The following NTMT1 variants were observed in gnomAD, a reference collection of about 807,000 sequenced individuals.
NTMT1 encodes N-terminal RCC1 methyltransferase.
Under a neutral mutation model 17.5 loss-of-function variants are expected in NTMT1, and 8 were observed. That is an observed-to-expected ratio of 0.46 (90% CI 0.27 to 0.82). NTMT1 has a LOEUF of 0.82. Among genes scored for constraint, NTMT1 ranks in the 40% least tolerant of loss-of-function variants. The pLI is 0.15. For synonymous variants in NTMT1, 128 were observed against 126.8 expected (o/e 1.01, Z -0.06); for missense variants, 221 against 303.5 (o/e 0.73, Z 2.02).
rs374550377 is a variant in NTMT1 at position 129,619,661 on chromosome 9, G to A, written c.-55+10483G>A. 2.8e-5 allele frequency: 45 copies of A among 1,612,814 alleles called. No individual in the cohort carries two copies. The African/African-American group carries it at 5.2e-4, about 19-fold the overall frequency. ...CCTTAAAGACAAACAGGCCACATCT[G>A]GCATGAGTGGCCAGGCTGTCCCGCC... On this transcript the variant is annotated intron_variant, in intron 1 of 3. Coordinates refer to the NTMT1 transcript ENST00000372486.
chr9:129,609,935 A>G (rs1830072880), intron 1 of NTMT1, among the ~76,000 whole-genome samples: 1 of 148,478 alleles, frequency 6.7e-6, no homozygotes, highest in South Asian at 2.1e-4. Flanking sequence ...GAGTCCGGGT[A>G]TGTGTGTGGT....
chr9:129,613,207 A>C lies in NTMT1; in HGVS notation c.-55+4029A>C. On this transcript the variant is annotated intron_variant, in intron 1 of 3. Transcript: ENST00000372486. The surrounding 1 kb of genome is among the most constrained non-coding windows in gnomAD (Gnocchi z 6.2). ...TGAACAGAAGGGCAGGCTGCTGTTC[A>C]TGGAGGTGTCCTCAGAAAGGTAGCC... The C allele has an allele frequency of 2.5e-6, 4 of 1,613,406 alleles. No individual in the cohort carries two copies. Among genetic ancestry groups the C allele is most frequent in the Admixed American group, 1.7e-5 (1 of 60,006 alleles).
At position 129,613,005 on chromosome 9, in the gene NTMT1, A is replaced by T; in HGVS notation, c.-55+3827A>T. Reference sequence around the variant, plus strand: ...GTGACTTGGCTCTCAGGGAGGGTCCACTCCCAGCCCCAGCCACTCCACCAA... The same window carrying T: ...GTGACTTGGCTCTCAGGGAGGGTCCTCTCCCAGCCCCAGCCACTCCACCAA... On this transcript the variant is annotated intron_variant, in intron 1 of 3. Transcript: ENST00000372486. The surrounding 1 kb of genome is among the most constrained non-coding windows in gnomAD (Gnocchi z 6.2). 1 of 1,480,808 alleles carries T rather than the reference A, an allele frequency of 6.8e-7. No homozygotes were observed. The highest frequency in any genetic ancestry group is 9.2e-7 in the Non-Finnish European group (1 of 1,092,138). 91.7% of individuals were successfully genotyped at this position (1,480,808 alleles called of 1,614,324 possible).
intron 1 of NTMT1, among the ~76,000 whole-genome samples, chr9:129,628,932 C>T (rs1182587231): frequency 6.6e-6 from 1 of 152,208 alleles, no homozygotes; most frequent in Non-Finnish European, 1.5e-5. Context: ...TTGCTCTCGC[C>T]ATGGTCCAGT....
At chr9:129,612,144 C>T (rs1830127070) in intron 1 of NTMT1, 2 of 562,872 alleles carry the variant, frequency 3.6e-6, no homozygotes, top group East Asian at 6.0e-5. Context: ...TGTCCCCACC[C>T]CTCAGCCTCA....
At chr9:129,619,967 C>T in intron 1 of NTMT1, 2 of 1,480,868 alleles carry the variant, frequency 1.4e-6, no homozygotes, top group Admixed American at 2.0e-5. Flanking sequence ...CATTAGCATC[C>T]TTCTAGCCTG....
chr9:129,620,016 C>T lies in NTMT1; in HGVS notation c.-55+10838C>T, dbSNP rs927184565. Reference sequence around the variant, plus strand: ...TGGGTGCGGGGACACAAGGGACCACCCCCCACCGGAAATGACTCGGGCCCG... The same window carrying T: ...TGGGTGCGGGGACACAAGGGACCACTCCCCACCGGAAATGACTCGGGCCCG... On this transcript the variant is annotated intron_variant, in intron 1 of 3. Coordinates refer to the NTMT1 transcript ENST00000372486. The surrounding 1 kb of genome is among the most constrained non-coding windows in gnomAD (Gnocchi z 5.8). The T allele has an allele frequency of 6.9e-6, 10 of 1,458,938 alleles. No individual in the cohort carries two copies. Among genetic ancestry groups the T allele is most frequent in the Non-Finnish European group, 9.1e-6 (10 of 1,100,870 alleles). The allele number at this position is 1,458,938 out of a possible 1,614,324, so 90.4% of individuals were successfully genotyped here.
chr9:129,616,613 GT>G (rs919159042), intron 1 of NTMT1, among the ~76,000 whole-genome samples: 50 of 151,994 alleles, frequency 3.3e-4, no homozygotes, highest in African/African-American at 1.2e-3. Flanking sequence ...CATTCTGCAG[GT>G]TTTTTTCCCT....
chr9:129,619,688 T>C lies in NTMT1; in HGVS notation c.-55+10510T>C, dbSNP rs41278710. 8.4e-3 allele frequency: 13,488 copies of C among 1,612,750 alleles called. 329 individuals carry two copies. The highest frequency in any genetic ancestry group is 0.075 in the East Asian group (3,357 of 44,864). On this transcript the variant is annotated intron_variant, in intron 1 of 3. Transcript: ENST00000372486. ...CATGAGTGGCCAGGCTGTCCCGCCC[T>C]GGAAACATCGATGGCAACCCCGTCC...
chr9:129,623,055 C>G (rs192062813), upstream of NTMT1, among the ~76,000 whole-genome samples: 1 of 147,590 alleles, frequency 6.8e-6, no homozygotes, highest in Non-Finnish European at 1.5e-5. Flanking sequence ...AAGAAAGAGC[C>G]GGGCACGGTG....
intron 3 of NTMT1, chr9:129,634,571 T>G: frequency 2.3e-6 from 1 of 430,014 alleles, no homozygotes; most frequent in Non-Finnish European, 4.1e-6. Context: ...TGAAAAAATT[T>G]TAATGGCCAA....
Position 129,613,342 on chromosome 9 carries a change from C to T in NTMT1, c.-55+4164C>T. 6.4e-7 allele frequency: 1 copy of T among 1,568,238 alleles called. No individual in the cohort carries two copies. Among genetic ancestry groups the T allele is most frequent in the Non-Finnish European group, 8.7e-7 (1 of 1,155,586 alleles). On this transcript the variant is annotated intron_variant, in intron 1 of 3. Transcript: ENST00000372486. The surrounding 1 kb of genome is among the most constrained non-coding windows in gnomAD (Gnocchi z 6.2). ...GGCCCTTGAGGACCCACACTGGCAA[C>T]CCGCCTGCTGCTGGGTGGGGAGGTC... is the stretch of plus-strand genomic sequence containing the variant.
chr9:129,634,209 G>C lies in NTMT1; in HGVS notation c.318G>C (p.Glu106Asp), dbSNP rs755508479. 1 of 1,614,178 alleles carries C rather than the reference G, an allele frequency of 6.2e-7. No individual in the cohort carries two copies. The highest frequency in any genetic ancestry group is 8.5e-7 in the Non-Finnish European group (1 of 1,180,024). Residue 106 changes from glutamate (E) to aspartate (D), a missense_variant, in exon 3 of 4, where the codon GAG becomes GAC. Glu to Asp is a conservative substitution (Grantham distance 45, BLOSUM62 2). Coordinates refer to ENST00000372483, the MANE Select transcript of NTMT1 (RefSeq NM_014064.4). ...FLVQAKTYLG[E>D]EGKRVRNYFC... is the part of the protein sequence containing the mutation. ...TTCAAGCCAAGACCTACCTGGGGGA[G>C]GAGGGCAAGAGGGTGAGGAACTACT...
chr9:129,635,302 C>T lies in NTMT1; in HGVS notation c.510C>T (p.Ala170=), dbSNP rs1192117176. 1 of 1,613,800 alleles carries T rather than the reference C, an allele frequency of 6.2e-7. No individual in the cohort carries two copies. The highest frequency in any genetic ancestry group is 1.7e-5 in the Admixed American group (1 of 60,026). ...NGIIVIKDNM[A]QEGVILDDVD... Reference sequence around the variant, plus strand: ...TCATCGTCATCAAAGACAACATGGCCCAGGAGGGCGTGATTCTGGACGACG... The same window carrying T: ...TCATCGTCATCAAAGACAACATGGCTCAGGAGGGCGTGATTCTGGACGACG... Residue 170 remains alanine (A), a synonymous_variant, in exon 4 of 4, where the codon GCC becomes GCT. Transcript: ENST00000372483.
intron 1 of NTMT1, chr9:129,619,988 T>C (rs1830595776): frequency 6.8e-6 from 10 of 1,467,234 alleles, no homozygotes; most frequent in Non-Finnish European, 7.3e-6. Context: ...GGTGGTGGGG[T>C]GGTGGGTGCG....
intron 2 of NTMT1, chr9:129,633,220 T>C (rs933597207): frequency 2.5e-6 from 1 of 405,836 alleles, no homozygotes; most frequent in Non-Finnish European, 4.3e-6. Flanking sequence ...CGAAGACTCC[T>C]AGTTATGTGC....
intron 1 of NTMT1, among the ~76,000 whole-genome samples, chr9:129,627,783 G>A (rs2118926782): frequency 6.6e-6 from 1 of 152,340 alleles, no homozygotes; most frequent in South Asian, 2.1e-4. Flanking sequence ...AAGATCCAGG[G>A]AGGATGGACT....
chr9:129,626,801 C>A (rs927127998), intron 1 of NTMT1, among the ~76,000 whole-genome samples: 1 of 152,224 alleles, frequency 6.6e-6, no homozygotes, highest in Non-Finnish European at 1.5e-5. Flanking sequence ...AGCCCGAGAG[C>A]CCTTGCGGCC....
intron 1 of NTMT1, chr9:129,615,529 T>A: frequency 6.2e-7 from 1 of 1,610,844 alleles, no homozygotes; most frequent in Non-Finnish European, 8.5e-7. Flanking sequence ...TCCTGCAGGG[T>A]CTCGTCAGCG....
Sources: gnomAD v4.1 joint callset for allele counts (sites outside exome capture counted in the v4.1 genomes callset) on GRCh38, gnomAD v4.1.1 for gene constraint, Gnocchi (gnomAD v3.1) non-coding constraint, MANE v1.5 for transcripts, NCBI Gene and HGNC (gene_info 2026-07-23, HGNC 2026-07-21) for gene names.